NTM: variants seen among roughly 807,000 people sequenced by gnomAD.
NTM encodes neurotrimin.
In NTM, 13 loss-of-function variants were observed where a neutral mutation model predicts 42.1. The ratio of observed to expected loss-of-function variants is 0.31; its 90% CI spans 0.20 to 0.49. NTM has a LOEUF of 0.49. Among genes scored for constraint, NTM ranks in the 20% least tolerant of loss-of-function variants. The pLI, the probability that NTM is intolerant of heterozygous loss-of-function variation, is 0.99. For missense variants in NTM, 373 were observed against 452.8 expected, an observed-to-expected ratio of 0.82 and a Z score of 1.60; for synonymous variants, 187 against 179.2, an observed-to-expected ratio of 1.04 and a Z score of -0.35.
At chr11:132,304,794 G>A (rs561329800) in intron 4 of NTM, among the ~76,000 whole-genome samples, 1 of 152,264 alleles carries the variant, frequency 6.6e-6, no homozygotes, top group African/African-American at 2.4e-5. Flanking sequence ...TAATCAAAAA[G>A]TGTACATGTA....
rs986771049 is a variant in NTM, at chr11:131,398,950, A to C, written c.82+28062A>C. 5.3e-5 allele frequency among the ~76,000 whole-genome samples: 8 copies of C among 152,242 alleles called. 1 individual carries two copies. The highest frequency in any genetic ancestry group is 7.3e-5 in the Non-Finnish European group (5 of 68,036). On this transcript the variant is annotated intron_variant, in intron 1 of 8. Transcript: ENST00000683400. ...ATTTTTAGTACCCAGTGGTTGAGAA[A>C]AAATTACAATAAAAACTGCAATAAA...
At chr11:131,607,750 C>G (rs957946660) in intron 1 of NTM, among the ~76,000 whole-genome samples, 1 of 152,220 alleles carries the variant, frequency 6.6e-6, no homozygotes, top group Non-Finnish European at 1.5e-5. Flanking sequence ...GATTGTTGTA[C>G]GTATTTACCA....
intron 2 of NTM, among the ~76,000 whole-genome samples, chr11:131,958,192 C>A (rs1223083391): frequency 6.6e-6 from 1 of 152,152 alleles, no homozygotes; most frequent in East Asian, 1.9e-4. Context: ...TCCCACACAT[C>A]CGACCCAATT....
intron 1 of NTM, among the ~76,000 whole-genome samples, chr11:131,887,061 T>C (rs1457835164): frequency 2.0e-5 from 3 of 152,308 alleles, no homozygotes; most frequent in African/African-American, 4.8e-5. Flanking sequence ...TCTGGAGAAG[T>C]AACGTACAGC....
chr11:132,269,531 A>G (rs1381731830), intron 4 of NTM, among the ~76,000 whole-genome samples: 1 of 152,234 alleles, frequency 6.6e-6, no homozygotes, highest in Non-Finnish European at 1.5e-5. Flanking sequence ...AGGTCTTATA[A>G]TGTAGTTCAA....
intron 2 of NTM, chr11:131,981,119 G>A (rs1345618015): frequency 6.6e-6 from 1 of 152,188 alleles, no homozygotes; most frequent in East Asian, 1.9e-4. Context: ...TTGGCACATA[G>A]CAGGTATCCA....
intron 1 of NTM, among the ~76,000 whole-genome samples, chr11:131,657,451 G>A (rs550611005): frequency 6.6e-6 from 1 of 152,328 alleles, no homozygotes; most frequent in South Asian, 2.1e-4. Flanking sequence ...TGCTCGCAAA[G>A]GGCCAGCCTC....
At chr11:131,882,806 T>C (rs1398321731) in intron 1 of NTM, among the ~76,000 whole-genome samples, 1 of 152,338 alleles carries the variant, frequency 6.6e-6, no homozygotes, top group East Asian at 1.9e-4. Flanking sequence ...AGAGATCTTA[T>C]TTACCATATT....
chr11:131,830,516 A>G (rs1308546888), intron 1 of NTM, among the ~76,000 whole-genome samples: 2 of 152,002 alleles, frequency 1.3e-5, no homozygotes, highest in Non-Finnish European at 2.9e-5. Context: ...ATTCTGTTCC[A>G]TTGGTCTATA....
At chr11:131,825,656 A>C (rs1323895657) in intron 1 of NTM, among the ~76,000 whole-genome samples, 1 of 152,218 alleles carries the variant, frequency 6.6e-6, no homozygotes, top group Non-Finnish European at 1.5e-5. Context: ...AGATTATGAT[A>C]TACCAGGATG....
chr11:131,594,848 G>A (rs1036893903), intron 1 of NTM, among the ~76,000 whole-genome samples: 16 of 152,138 alleles, frequency 1.1e-4, no homozygotes, highest in Admixed American at 4.6e-4. Context: ...AGAGTAGGGC[G>A]CCATGTACTC....
At chr11:131,809,742 T>C (rs1245423544) in intron 1 of NTM, among the ~76,000 whole-genome samples, 1 of 152,208 alleles carries the variant, frequency 6.6e-6, no homozygotes, top group African/African-American at 2.4e-5. Flanking sequence ...GGCACCAATA[T>C]AAATCTTCGG....
At chr11:131,513,421 A>T (rs2048504179) in intron 1 of NTM, among the ~76,000 whole-genome samples, 1 of 152,108 alleles carries the variant, frequency 6.6e-6, no homozygotes, top group African/African-American at 2.4e-5. Flanking sequence ...TAGACCGGAA[A>T]TACTGACCAA....
chr11:132,063,056 T>G (rs1246509332), intron 2 of NTM, among the ~76,000 whole-genome samples: 1 of 152,134 alleles, frequency 6.6e-6, no homozygotes, highest in Admixed American at 6.5e-5. Context: ...CTGGAAGCTA[T>G]GAAGTTCAAG....
chr11:131,463,388 G>A (rs769354117), intron 1 of NTM, among the ~76,000 whole-genome samples: 1 of 152,312 alleles, frequency 6.6e-6, no homozygotes, highest in South Asian at 2.1e-4. Context: ...CCCCCAGTGC[G>A]TGACCTGGGC....
In NTM at chr11:132,044,092, GTGTATGTA is replaced by G. The variant is rs1483645780; in HGVS notation, c.168-102188_168-102181del. 1.3e-4 allele frequency among the ~76,000 whole-genome samples: 20 copies of G among 149,746 alleles called. 1 individual carries two copies. The highest frequency in any genetic ancestry group is 4.5e-5 in the Non-Finnish European group (3 of 67,270). Reference sequence around the variant, plus strand: ...TATGTGTATGTGTTTGTGTGTATGTGTGTATGTATATGTGTGTATGTGTATGTGTGTGT... The same window carrying G: ...TATGTGTATGTGTTTGTGTGTATGTGTATGTGTGTATGTGTATGTGTGTGT... On this transcript the variant is annotated intron_variant, in intron 2 of 8. Transcript: ENST00000683400.
At chr11:132,319,084 T>TGA (rs770476623) in intron 7 of NTM, among the ~76,000 whole-genome samples, 55 of 152,338 alleles carry the variant, frequency 3.6e-4, no homozygotes, top group South Asian at 8.3e-4. Flanking sequence ...AACCTCCATG[T>TGA]GACTGTATTC....
At chr11:131,400,436 G>A (rs1565463788) in intron 1 of NTM, among the ~76,000 whole-genome samples, 1 of 152,256 alleles carries the variant, frequency 6.6e-6, no homozygotes, top group Admixed American at 6.5e-5. Flanking sequence ...TTCCTGGAGT[G>A]TTGGTCAAAA....
chr11:131,837,882 G>A (rs2043715946), intron 1 of NTM, among the ~76,000 whole-genome samples: 1 of 152,150 alleles, frequency 6.6e-6, no homozygotes, highest in Non-Finnish European at 1.5e-5. Flanking sequence ...GCCTGAAGTC[G>A]AAAAAGGTTG....
Sources: allele counts gnomAD v4.1 joint callset (sites outside exome capture counted in the v4.1 genomes callset), GRCh38; gene constraint gnomAD v4.1.1; transcripts MANE v1.5; gene names NCBI Gene and HGNC (gene_info 2026-07-23, HGNC 2026-07-21).